Variants in PTPN3 observed in about 807,000 individuals in gnomAD.
PTPN3 encodes the protein tyrosine-protein phosphatase non-receptor type 3.
Under a neutral mutation model 132.7 loss-of-function variants are expected in PTPN3, and 96 were observed. The ratio of observed to expected loss-of-function variants is 0.72; its 90% CI spans 0.61 to 0.86. The LOEUF is 0.86. PTPN3 is among the 40% of genes least tolerant of loss of function. The pLI is 0.00. For synonymous variants in PTPN3, 398 were observed against 429.0 expected (o/e 0.93, Z 0.89); for missense variants, 1,125 against 1,159.6 (o/e 0.97, Z 0.43).
At chr9:109,493,632 C>A (rs1175501924) in intron 1 of PTPN3, among the ~76,000 whole-genome samples, 1 of 152,232 alleles carries the variant, frequency 6.6e-6, no homozygotes, top group Non-Finnish European at 1.5e-5. Flanking sequence ...TCCTCTTGCA[C>A]AAAGCAGTGG....
the PTPN3 span, among the ~76,000 whole-genome samples, chr9:109,503,424 G>C: frequency 2.6e-5 from 4 of 152,148 alleles, no homozygotes; most frequent in Non-Finnish European, 5.9e-5. Context: ...GTCTTTCTCG[G>C]CTGGGCAAGG....
intron 1 of PTPN3, among the ~76,000 whole-genome samples, chr9:109,475,502 G>C (rs1846614162): frequency 6.6e-6 from 1 of 152,146 alleles, no homozygotes; most frequent in Admixed American, 6.5e-5. Flanking sequence ...CTAAAATTAA[G>C]CTACTGATCT....
chr9:109,487,982 C>T (rs1212062606), intron 1 of PTPN3, among the ~76,000 whole-genome samples: 1 of 151,962 alleles, frequency 6.6e-6, no homozygotes, highest in East Asian at 1.9e-4. Context: ...AAAGGTTTTT[C>T]TGAGGTCACT....
intron 19 of PTPN3, among the ~76,000 whole-genome samples, chr9:109,395,937 A>G (rs1451752170): frequency 7.7e-6 from 1 of 129,228 alleles, no homozygotes; most frequent in African/African-American, 2.9e-5. Flanking sequence ...GCTCACTGCA[A>G]CCTCCACCTC....
chr9:109,497,534 C>T (rs1327457556), intron 1 of PTPN3, among the ~76,000 whole-genome samples: 1 of 152,150 alleles, frequency 6.6e-6, no homozygotes, highest in Non-Finnish European at 1.5e-5. Flanking sequence ...CAAGTTGTCT[C>T]AACTTCCCAT....
chr9:109,527,868 G>T, the PTPN3 span, among the ~76,000 whole-genome samples: 2 of 152,080 alleles, frequency 1.3e-5, no homozygotes, highest in African/African-American at 4.8e-5. Flanking sequence ...ACATATATCC[G>T]ACAGAGGACT....
In PTPN3 at chr9:109,408,302, A is replaced by G; in HGVS notation, c.1635+19T>C. The G allele has an allele frequency of 1.3e-6, 2 of 1,526,968 alleles. No individual in the cohort carries two copies. Among genetic ancestry groups the G allele is most frequent in the East Asian group, 2.3e-5 (1 of 42,772 alleles). The allele number at this position is 1,526,968 out of a possible 1,614,324, so 94.6% of individuals were successfully genotyped here. On this transcript the variant is annotated intron_variant, in intron 17 of 25. Transcript: ENST00000374541. ...GAAACAAACAAACACGAGGAATAAC[A>G]TGGAATGTATTTACTTACAGGTGAC...
intron 5 of PTPN3, chr9:109,450,486 G>A (rs9409093): frequency 2.0e-6 from 2 of 983,958 alleles, no homozygotes; most frequent in Non-Finnish European, 2.4e-6. Context: ...GAAGATAAAC[G>A]TGGAGATCAC....
chr9:109,439,781 T>A (rs1844320993), intron 7 of PTPN3, among the ~76,000 whole-genome samples: 1 of 152,226 alleles, frequency 6.6e-6, no homozygotes, highest in Non-Finnish European at 1.5e-5. Flanking sequence ...TGATGGTGCA[T>A]GCCTGTAATC....
the PTPN3 span, among the ~76,000 whole-genome samples, chr9:109,533,293 C>T: frequency 1.3e-5 from 2 of 151,418 alleles, no homozygotes; most frequent in Admixed American, 6.6e-5. Context: ...TACAGGCGCC[C>T]GCCACCGCGC....
intron 18 of PTPN3, among the ~76,000 whole-genome samples, chr9:109,406,206 G>A (rs77721202): frequency 0.017 from 2,551 of 152,282 alleles, 66 homozygotes; most frequent in African/African-American, 0.059. Flanking sequence ...GGGAGCTGGG[G>A]GCTCATGTCC....
chr9:109,514,191 G>A, the PTPN3 span, among the ~76,000 whole-genome samples: 1 of 152,086 alleles, frequency 6.6e-6, no homozygotes, highest in South Asian at 2.1e-4. Flanking sequence ...TCTCACTGGG[G>A]CTCTTGCAAA....
At chr9:109,507,024 C>T in the PTPN3 span, among the ~76,000 whole-genome samples, 1 of 152,180 alleles carries the variant, frequency 6.6e-6, no homozygotes, top group Non-Finnish European at 1.5e-5. Context: ...TGGCTGCCTC[C>T]AAATTTTGCT....
At chr9:109,467,844 C>T (rs1846175814) in intron 1 of PTPN3, among the ~76,000 whole-genome samples, 1 of 152,158 alleles carries the variant, frequency 6.6e-6, no homozygotes, top group Admixed American at 6.5e-5. Context: ...TAAAGCCCAC[C>T]AGCAACCCAG....
intron 17 of PTPN3, among the ~76,000 whole-genome samples, chr9:109,407,255 G>A (rs1841642995): frequency 6.6e-6 from 1 of 152,098 alleles, no homozygotes; most frequent in Admixed American, 6.6e-5. Flanking sequence ...GGTGAGGTGG[G>A]ACACACCTGT....
intron 14 of PTPN3, among the ~76,000 whole-genome samples, chr9:109,415,052 ATCCGTCCATCCGTCCG>A (rs1564413518): frequency 2.2e-5 from 3 of 133,738 alleles, no homozygotes; most frequent in South Asian, 2.8e-4. Flanking sequence ...CCGTCCGTCC[ATCCGTCCATCCGTCCG>A]TCCATCCAAC....
At position 109,451,035 on chromosome 9, in the gene PTPN3, AT is replaced by A. The variant is rs1314790290; in HGVS notation, c.369-2181del. 1,960 of 937,490 alleles carry A rather than the reference AT, an allele frequency of 2.1e-3. 4 individuals carry two copies. Among genetic ancestry groups the A allele is most frequent in the East Asian group, 0.014 (116 of 8,002 alleles). The allele number at this position is 937,490 out of a possible 1,614,324, so 58.1% of individuals were successfully genotyped here. On this transcript the variant is annotated intron_variant, in intron 5 of 25. Coordinates refer to ENST00000374541, the MANE Select transcript of PTPN3 (RefSeq NM_002829.4). ...AATCTTTTAAGTTTTTTTATTTTTC[AT>A]TTTTTTAATTTTTAATTTTTTTAAA...
chr9:109,466,762 G>C (rs1428253484), intron 1 of PTPN3, among the ~76,000 whole-genome samples: 1 of 152,152 alleles, frequency 6.6e-6, no homozygotes, highest in Non-Finnish European at 1.5e-5. Context: ...AAAAGATTTG[G>C]GAGTCAGTAC....
At position 109,393,113 on chromosome 9, in the gene PTPN3, G is replaced by A. The variant is rs534899566; in HGVS notation, c.1954-1552C>T. Reference sequence around the variant, plus strand: ...AAACATATCTCAAGCTAATTTGGCCGTGGAAAATCTCAGCATCTAATGGAG... The same window carrying A: ...AAACATATCTCAAGCTAATTTGGCCATGGAAAATCTCAGCATCTAATGGAG... On this transcript the variant is annotated intron_variant, in intron 19 of 25. Coordinates refer to ENST00000374541, the MANE Select transcript of PTPN3 (RefSeq NM_002829.4). Among the ~76,000 whole-genome samples, 11 of 152,276 alleles carry A rather than the reference G, an allele frequency of 7.2e-5. No homozygotes were observed. The East Asian group carries it at 9.6e-4, about 13-fold the overall frequency.
Sources: allele counts gnomAD v4.1 joint callset (sites outside exome capture counted in the v4.1 genomes callset), GRCh38; gene constraint gnomAD v4.1.1; transcripts MANE v1.5; gene names NCBI Gene and HGNC (gene_info 2026-07-23, HGNC 2026-07-21).